METTL8: variants seen among roughly 807,000 people sequenced by gnomAD.
The protein encoded by METTL8 is tRNA N(3)-cytidine methyltransferase METTL8, mitochondrial.
Under a neutral mutation model 48.7 loss-of-function variants are expected in METTL8, and 32 were observed. The observed-to-expected ratio is 0.66, with a 90% CI of 0.50 to 0.88. The LOEUF is 0.88. Ranked by LOEUF, METTL8 falls within the 40% of genes least tolerant of loss-of-function variation. METTL8 has a pLI of 0.00. For synonymous variants in METTL8, 136 were observed against 157.1 expected (o/e 0.87, Z 1.01); for missense variants, 464 against 474.4 (o/e 0.98, Z 0.20).
chr2:171,329,355 T>C (rs1685287853), intron 7 of METTL8, among the ~76,000 whole-genome samples: 1 of 152,242 alleles, frequency 6.6e-6, no homozygotes, highest in African/African-American at 2.4e-5. Context: ...TAATTTCAAA[T>C]AGTCTTTTTG....
At chr2:171,415,544 G>T (rs1185861739) in intron 1 of METTL8, among the ~76,000 whole-genome samples, 1 of 151,772 alleles carries the variant, frequency 6.6e-6, no homozygotes, top group East Asian at 1.9e-4. Context: ...TACAGGTGGG[G>T]TTTCACCATG....
intron 1 of METTL8, among the ~76,000 whole-genome samples, chr2:171,427,593 T>C (rs1037538304): frequency 1.3e-5 from 2 of 152,198 alleles, no homozygotes; most frequent in Non-Finnish European, 2.9e-5. Flanking sequence ...TTGCCTGGAC[T>C]ACTACTCTGG....
intron 3 of METTL8, among the ~76,000 whole-genome samples, chr2:171,359,143 T>C (rs941340424): frequency 7.0e-6 from 1 of 142,112 alleles, no homozygotes; most frequent in Admixed American, 7.3e-5. Context: ...CTCATCACTA[T>C]ACTCCAGACT....
chr2:171,417,915 C>T (rs1033397443), intron 1 of METTL8, among the ~76,000 whole-genome samples: 1 of 151,534 alleles, frequency 6.6e-6, no homozygotes, highest in Non-Finnish European at 1.5e-5. Context: ...TTTTCTGTTC[C>T]GGGACCCCTT....
Position 171,359,906 on chromosome 2 carries a change from A to G in METTL8, c.235+516T>C, listed in dbSNP as rs143995919. Among the ~76,000 whole-genome samples, 287 of 152,244 alleles carry G rather than the reference A, an allele frequency of 1.9e-3. 7 individuals carry two copies. The East Asian group carries it at 0.029, about 15-fold the overall frequency. On this transcript the variant is annotated intron_variant, in intron 3 of 9. Transcript: ENST00000375258. ...GCGCCGGCTCCTGAGTTTTTTTGATAGTAGCATAGGCCAATTTTTTAAAAG... is the reference window on the plus strand; with the variant it reads ...GCGCCGGCTCCTGAGTTTTTTTGATGGTAGCATAGGCCAATTTTTTAAAAG...
chr2:171,384,915 T>C (rs1335088337), intron 2 of METTL8, among the ~76,000 whole-genome samples: 1 of 151,918 alleles, frequency 6.6e-6, no homozygotes, highest in Non-Finnish European at 1.5e-5. Flanking sequence ...ACCCAGAATC[T>C]GGAAGGCAAA....
intron 1 of METTL8, among the ~76,000 whole-genome samples, chr2:171,399,811 C>T (rs1411916382): frequency 1.3e-5 from 2 of 151,990 alleles, no homozygotes; most frequent in African/African-American, 4.8e-5. Flanking sequence ...AAAGGAAAGA[C>T]TCCATAGTAT....
chr2:171,413,696 TCTAGAGGTC>T (rs1690984383), intron 1 of METTL8, among the ~76,000 whole-genome samples: 1 of 152,160 alleles, frequency 6.6e-6, no homozygotes, highest in Non-Finnish European at 1.5e-5. Flanking sequence ...TTTTTTAGTG[TCTAGAGGTC>T]CTGAGACCAA....
chr2:171,432,555 C>A (rs1693178181), intron 1 of METTL8, among the ~76,000 whole-genome samples: 2 of 152,172 alleles, frequency 1.3e-5, no homozygotes, highest in African/African-American at 4.8e-5. Flanking sequence ...TTTCTGGGTT[C>A]CAGTTTTCTC....
chr2:171,427,546 A>T (rs372566917), intron 1 of METTL8, among the ~76,000 whole-genome samples: 85 of 152,122 alleles, frequency 5.6e-4, no homozygotes, highest in African/African-American at 2.0e-3. Context: ...TTGACTTCTT[A>T]TTATAAGCCT....
chr2:171,398,651 A>G (rs75551973), intron 1 of METTL8, among the ~76,000 whole-genome samples: 2,826 of 152,256 alleles, frequency 0.019, 85 homozygotes, highest in African/African-American at 0.065. Context: ...AGTTAATAAT[A>G]TTGTATTATA....
intron 1 of METTL8, among the ~76,000 whole-genome samples, chr2:171,408,519 C>T (rs578164937): frequency 9.1e-4 from 139 of 152,078 alleles, no homozygotes; most frequent in African/African-American, 3.1e-3. Flanking sequence ...CTCAAACTCC[C>T]GATCTCACGT....
chr2:171,428,102 G>A lies in METTL8; in HGVS notation c.-13+5781C>T, dbSNP rs113646748. ...CATGGCTAGGATGGTTAAGTATTCT[G>A]TAAACATAACACAGACAAAGAATAG... is the stretch of plus-strand genomic sequence containing the variant. On this transcript the variant is annotated intron_variant, in intron 1 of 9. Coordinates refer to ENST00000375258, the MANE Select transcript of METTL8 (RefSeq NM_001321154.2). Among the ~76,000 whole-genome samples, 451 of 152,008 alleles carry A rather than the reference G, an allele frequency of 3.0e-3. 4 individuals are homozygous for A. Among genetic ancestry groups the A allele is most frequent in the African/African-American group, 0.01 (433 of 41,438 alleles).
intron 1 of METTL8, among the ~76,000 whole-genome samples, chr2:171,417,651 C>A (rs1691448691): frequency 6.6e-6 from 1 of 152,216 alleles, no homozygotes; most frequent in South Asian, 2.1e-4. Context: ...TTCTTAATTA[C>A]TAAGTTGTGC....
At chr2:171,326,205 C>A (rs1684941818) in intron 7 of METTL8, 57 bp from the exon 8 acceptor site, 1 of 908,984 alleles carries the variant, frequency 1.1e-6, no homozygotes, top group East Asian at 2.7e-5. Context: ...GTTTTATATG[C>A]TGGATTTAAC....
chr2:171,408,738 G>A (rs1690445868), intron 1 of METTL8, among the ~76,000 whole-genome samples: 1 of 152,140 alleles, frequency 6.6e-6, no homozygotes, highest in Admixed American at 6.5e-5. Flanking sequence ...TACTACCACA[G>A]GCTGTATCAC....
intron 2 of METTL8, among the ~76,000 whole-genome samples, chr2:171,391,223 A>G (rs571494787): frequency 3.3e-5 from 5 of 152,232 alleles, no homozygotes; most frequent in Non-Finnish European, 5.9e-5. Context: ...TTACTTTTTA[A>G]TTAGGTTTGT....
chr2:171,380,867 T>C (rs969497849), intron 2 of METTL8, among the ~76,000 whole-genome samples: 8 of 152,170 alleles, frequency 5.3e-5, no homozygotes, highest in African/African-American at 1.9e-4. Context: ...CAAACTACTG[T>C]TGACTTTCTT....
intron 3 of METTL8, among the ~76,000 whole-genome samples, chr2:171,352,723 C>A (rs1307552170): frequency 1.3e-5 from 2 of 152,162 alleles, no homozygotes; most frequent in Non-Finnish European, 2.9e-5. Context: ...AGGAATTTAT[C>A]CATTTCTTCT....
Sources: gnomAD v4.1 joint callset for allele counts (sites outside exome capture counted in the v4.1 genomes callset) on GRCh38, gnomAD v4.1.1 for gene constraint, MANE v1.5 for transcripts, NCBI Gene and HGNC (gene_info 2026-07-23, HGNC 2026-07-21) for gene names.